The following UGT2A1 variants were observed in gnomAD, a reference collection of about 807,000 sequenced individuals.
UGT2A1 encodes the protein UDP-glucuronosyltransferase 2A1.
A neutral mutation model predicts 45.4 loss-of-function variants in UGT2A1; 61 were observed. That is an observed-to-expected ratio of 1.34 (90% CI 1.09 to 1.66). The LOEUF (loss-of-function observed/expected upper bound fraction) is 1.66, where lower values mean the gene tolerates loss of function less well. UGT2A1 is among the 40% of genes most tolerant of loss of function. The probability of loss-of-function intolerance (pLI) is 0.00; values close to 1 mark genes in which losing one functional copy is unlikely to be tolerated. For synonymous variants in UGT2A1, 229 were observed against 196.2 expected (o/e 1.17, Z -1.40); for missense variants, 649 against 574.3 (o/e 1.13, Z -1.33).
At chr4:69,619,945 T>C (rs6855271) in intron 3 of UGT2A1, among the ~76,000 whole-genome samples, 41,454 of 151,728 alleles carry the variant, frequency 0.27, 5,890 homozygotes, top group South Asian at 0.32. Flanking sequence ...GATACCTTTA[T>C]GCAAAAACTC....
intron 4 of UGT2A1, chr4:69,596,530 T>C (rs2109884213): frequency 1.6e-6 from 2 of 1,235,876 alleles, no homozygotes; most frequent in Non-Finnish European, 2.1e-6. Flanking sequence ...ATCTAGTTTC[T>C]ATATTTTTTT....
intron 2 of UGT2A1, among the ~76,000 whole-genome samples, chr4:69,644,491 C>A (rs966920883): frequency 2.0e-5 from 3 of 151,612 alleles, no homozygotes; most frequent in Non-Finnish European, 3.0e-5. Context: ...TTACCATACA[C>A]CTGAGGATAT....
chr4:69,635,139 A>T (rs1721602521), intron 3 of UGT2A1, among the ~76,000 whole-genome samples: 1 of 152,220 alleles, frequency 6.6e-6, no homozygotes, highest in African/African-American at 2.4e-5. Flanking sequence ...AAATAAATTT[A>T]AAAAGAGGAG....
At chr4:69,641,388 G>A (rs930786109) in intron 2 of UGT2A1, among the ~76,000 whole-genome samples, 1 of 151,926 alleles carries the variant, frequency 6.6e-6, no homozygotes, top group East Asian at 1.9e-4. Flanking sequence ...TGGTATGAAA[G>A]ATTTTCTTTT....
intron 6 of UGT2A1, among the ~76,000 whole-genome samples, chr4:69,592,011 A>T (rs1279606481): frequency 6.6e-6 from 1 of 152,200 alleles, no homozygotes; most frequent in Non-Finnish European, 1.5e-5. Flanking sequence ...GTGGATGGGG[A>T]GCAAAAGTGG....
At position 69,594,650 on chromosome 4, in the gene UGT2A1, C is replaced by T. The variant is rs1371906967; in HGVS notation, c.1131G>A (p.Gly377=). ...KAFITHGGTN[G]IYEAIYHGVP... is the part of the protein sequence containing the mutation. ...CTCCGTGGTAAATAGCTTCGTAGATCCCATTAGTTCCACCATGAGTGATAA... is the reference window on the plus strand; with the variant it reads ...CTCCGTGGTAAATAGCTTCGTAGATTCCATTAGTTCCACCATGAGTGATAA... The change falls in exon 6 of 7, where the codon GGG becomes GGA. Residue 377 remains glycine (G), a synonymous_variant. Transcript: ENST00000286604. The T allele has an allele frequency of 1.9e-6, 3 of 1,614,054 alleles. No individual in the cohort carries two copies. Among genetic ancestry groups the T allele is most frequent in the South Asian group, 2.2e-5 (2 of 91,078 alleles).
intron 3 of UGT2A1, among the ~76,000 whole-genome samples, chr4:69,621,656 C>T (rs112625489): frequency 0.35 from 53,328 of 151,646 alleles, 9,728 homozygotes; most frequent in African/African-American, 0.43. Flanking sequence ...CCTGGGTATA[C>T]ACCGAAAGGA....
intron 2 of UGT2A1, among the ~76,000 whole-genome samples, chr4:69,640,725 G>C (rs916116680): frequency 6.6e-6 from 1 of 151,722 alleles, no homozygotes; most frequent in African/African-American, 2.4e-5. Flanking sequence ...AAAAGAACTG[G>C]GAGGACAGAG....
chr4:69,605,334 C>G (rs79395984), intron 3 of UGT2A1, among the ~76,000 whole-genome samples: 25,114 of 135,834 alleles, frequency 0.18, 6,124 homozygotes, highest in Non-Finnish European at 0.22. Flanking sequence ...GGGTACATAA[C>G]GAAATGAAGG....
At position 69,647,055 on chromosome 4, in the gene UGT2A1, A is replaced by G. The variant is rs41292307; in HGVS notation, c.590T>C (p.Leu197Ser). The G allele has an allele frequency of 0.16, 264,569 of 1,612,480 alleles. 24,039 individuals carry two copies. The highest frequency in any genetic ancestry group is 0.19 in the Middle Eastern group (1,124 of 6,046). ...AGACATTTGGTCGGTGAGTTCTGATAAAACAGCAGGAACATAGGAAGGAGG... is the reference window on the plus strand; with the variant it reads ...AGACATTTGGTCGGTGAGTTCTGATGAAACAGCAGGAACATAGGAAGGAGG... ...PYPPSYVPAV[L>S]SELTDQMSFT... Residue 197 changes from leucine (L) to serine (S), a missense_variant, in exon 2 of 7, where the codon TTA becomes TCA. By Grantham distance (145) the Leu-to-Ser change is moderately radical (BLOSUM62 -2). Transcript: ENST00000286604.
intron 2 of UGT2A1, 138 bp from the exon 3 acceptor site, chr4:69,635,960 A>T (rs1006364548): frequency 4.0e-5 from 6 of 151,814 alleles, no homozygotes; most frequent in African/African-American, 1.2e-4. Context: ...AGTAGCAGTG[A>T]TTTTCATAAT....
chr4:69,646,002 T>G (rs1210529822), intron 2 of UGT2A1, among the ~76,000 whole-genome samples: 2 of 151,848 alleles, frequency 1.3e-5, no homozygotes, highest in Non-Finnish European at 2.9e-5. Context: ...CTGAAGTTTT[T>G]CAGAATAACT....
chr4:69,599,477 G>T, intron 3 of UGT2A1, 83 bp from the exon 4 acceptor site: 1 of 1,568,424 alleles, frequency 6.4e-7, no homozygotes, highest in South Asian at 1.2e-5. Flanking sequence ...GTAATTTCCT[G>T]ATAAGCTGTT....
At chr4:69,606,103 T>A (rs1047407077) in intron 3 of UGT2A1, among the ~76,000 whole-genome samples, 1 of 123,154 alleles carries the variant, frequency 8.1e-6, no homozygotes, top group Non-Finnish European at 1.7e-5. Flanking sequence ...TATCAAAGCC[T>A]GGCAGAGACA....
chr4:69,595,039 T>C, intron 5 of UGT2A1, 123 bp downstream of exon 5: 1 of 1,359,106 alleles, frequency 7.4e-7, no homozygotes, highest in Non-Finnish European at 1.0e-6. Flanking sequence ...TATATCTGCT[T>C]TAAAATTGAG....
At chr4:69,601,530 A>G (rs141930646) in intron 3 of UGT2A1, among the ~76,000 whole-genome samples, 15 of 151,890 alleles carry the variant, frequency 9.9e-5, no homozygotes, top group African/African-American at 3.6e-4. Flanking sequence ...TAATAACACA[A>G]CCCCAAGAAG....
In UGT2A1 at chr4:69,594,463, G is replaced by A. The variant is rs1437323278; in HGVS notation, c.1304+14C>T. 3 of 1,613,092 alleles carry A rather than the reference G, an allele frequency of 1.9e-6. No homozygotes were observed. Among genetic ancestry groups the A allele is most frequent in the East Asian group, 2.2e-5 (1 of 44,870 alleles). On this transcript the variant is annotated intron_variant, in intron 6 of 6. Coordinates refer to ENST00000286604, the MANE Select transcript of UGT2A1 (RefSeq NM_001252275.3). The stretch of plus-strand genomic sequence containing the variant: ...ATTAAAGTTAGGCAAGTTTTTAGGA[G>A]CCTTAGTACTTACGAAGGTTCATTA...
At chr4:69,652,110 T>G (rs1441246813) in intron 1 of UGT2A1, among the ~76,000 whole-genome samples, 1 of 152,086 alleles carries the variant, frequency 6.6e-6, no homozygotes, top group Non-Finnish European at 1.5e-5. Flanking sequence ...AATTCTTACT[T>G]CTGAGGAGGC....
chr4:69,644,621 T>C (rs1241295070), intron 2 of UGT2A1, among the ~76,000 whole-genome samples: 1 of 151,732 alleles, frequency 6.6e-6, no homozygotes, highest in African/African-American at 2.4e-5. Flanking sequence ...TTTATCTTTA[T>C]AGGACACTTG....
Sources: allele counts gnomAD v4.1 joint callset (sites outside exome capture counted in the v4.1 genomes callset), GRCh38; gene constraint gnomAD v4.1.1; transcripts MANE v1.5; gene names NCBI Gene and HGNC (gene_info 2026-07-23, HGNC 2026-07-21).